APCDD1L: variants seen among roughly 807,000 people sequenced by gnomAD.
APCDD1L encodes the protein protein APCDD1-like.
APCDD1L carries 21 observed loss-of-function variants against 24.2 expected under a neutral mutation model. That is an observed-to-expected ratio of 0.87 (90% CI 0.61 to 1.25). The LOEUF (loss-of-function observed/expected upper bound fraction) is 1.25, where lower values mean the gene tolerates loss of function less well. Ranked by LOEUF, APCDD1L falls within the 50% of genes most tolerant of loss-of-function variation. APCDD1L has a pLI of 0.00. For missense variants in APCDD1L, 704 were observed against 711.7 expected, an observed-to-expected ratio of 0.99 and a Z score of 0.12; for synonymous variants, 321 against 323.6, an observed-to-expected ratio of 0.99 and a Z score of 0.09.
chr20:58,461,748 GGAGGTCA>G lies in APCDD1L; in HGVS notation c.742-201_742-195del, dbSNP rs1326615763. ...CTTCAGCCAGGATGGCCTCCTTGAT[GGAGGTCA>G]GCCCCTGTATCCCCCGGGCCTTGGG... is the stretch of plus-strand genomic sequence containing the variant. On this transcript the variant is annotated intron_variant, in intron 3 of 3. Coordinates refer to ENST00000371149, the MANE Select transcript of APCDD1L (RefSeq NM_153360.3). This position sits in a 1 kb window ranked among gnomAD's most constrained non-coding sequence, Gnocchi z 6.0. The G allele has an allele frequency of 1.0e-4, 51 of 489,996 alleles. No individual in the cohort carries two copies. The highest frequency in any genetic ancestry group is 9.3e-4 in the African/African-American group (47 of 50,686). 30.4% of individuals were successfully genotyped at this position (489,996 alleles called of 1,614,324 possible).
intron 1 of APCDD1L, among the ~76,000 whole-genome samples, chr20:58,509,338 C>T (rs568575895): frequency 1.3e-5 from 2 of 152,126 alleles, no homozygotes; most frequent in Admixed American, 6.5e-5. Context: ...AAACTGAAGA[C>T]GACACTATGA....
rs184928016 is a variant in APCDD1L, at chr20:58,506,344, G to A, written c.49+8315C>T. Among the ~76,000 whole-genome samples the A allele has an allele frequency of 1.1e-3, 166 of 152,296 alleles. 1 individual carries two copies. The highest frequency in any genetic ancestry group is 3.8e-3 in the African/African-American group (159 of 41,560). Reference sequence around the variant, plus strand: ...TCCTGATATCCCAGAAGGAGAAGGTGGCCTTGTAGCCACCCAGAAGAAGCA... The same window carrying A: ...TCCTGATATCCCAGAAGGAGAAGGTAGCCTTGTAGCCACCCAGAAGAAGCA... On this transcript the variant is annotated intron_variant, in intron 1 of 3. Coordinates refer to ENST00000371149, the MANE Select transcript of APCDD1L (RefSeq NM_153360.3).
intron 1 of APCDD1L, among the ~76,000 whole-genome samples, chr20:58,495,003 G>A (rs528375889): frequency 6.6e-6 from 1 of 152,234 alleles, no homozygotes; most frequent in Non-Finnish European, 1.5e-5. Context: ...GTGTCCCCTG[G>A]AGCCTGCTGC....
At chr20:58,476,589 A>T (rs1183355270) in intron 1 of APCDD1L, among the ~76,000 whole-genome samples, 2 of 152,174 alleles carry the variant, frequency 1.3e-5, no homozygotes, top group Non-Finnish European at 2.9e-5. Flanking sequence ...TCCTGGAGAG[A>T]CTGACATTAA....
Position 58,470,653 on chromosome 20 carries a change from A to T in APCDD1L, c.144T>A (p.Thr48=). Residue 48 remains threonine (T), a synonymous_variant, in exon 2 of 4, where the codon ACT becomes ACA. Transcript: ENST00000371149. ...QQPLPDRVPS[T]AILPPRLNGP... ...CATTAAGGCGTGGAGGCAGGATCGC[A>T]GTGCTGGGCACTCTATCTGGCAAGG... The T allele has an allele frequency of 6.3e-7, 1 of 1,576,554 alleles. No homozygotes were observed. The highest frequency in any genetic ancestry group is 8.6e-7 in the Non-Finnish European group (1 of 1,160,756).
intron 1 of APCDD1L, among the ~76,000 whole-genome samples, chr20:58,496,492 G>T (rs901336305): frequency 6.6e-6 from 1 of 152,272 alleles, no homozygotes; most frequent in African/African-American, 2.4e-5. Context: ...AGCCCAGCGA[G>T]GGGGCTGCCT....
chr20:58,466,174 A>G (rs971266329), intron 3 of APCDD1L, among the ~76,000 whole-genome samples: 1 of 149,838 alleles, frequency 6.7e-6, no homozygotes, highest in African/African-American at 2.5e-5. Context: ...ATCCTCCCCA[A>G]ATTAGGACGG....
intron 1 of APCDD1L, among the ~76,000 whole-genome samples, chr20:58,484,212 A>G (rs1267692511): frequency 2.0e-5 from 3 of 152,248 alleles, no homozygotes; most frequent in Non-Finnish European, 4.4e-5. Context: ...CTTTTATGCC[A>G]TACATAGGGC....
chr20:58,499,331 C>CT (rs145378386), intron 1 of APCDD1L, among the ~76,000 whole-genome samples: 2,051 of 152,264 alleles, frequency 0.013, 49 homozygotes, highest in African/African-American at 0.047. Flanking sequence ...TAAGACAGGG[C>CT]TTTGCCACAG....
intron 1 of APCDD1L, among the ~76,000 whole-genome samples, chr20:58,507,411 T>G (rs1318529119): frequency 6.6e-6 from 1 of 152,204 alleles, no homozygotes; most frequent in African/African-American, 2.4e-5. Flanking sequence ...AATGAAGTAA[T>G]GTGCTAGCAC....
chr20:58,497,375 C>T lies in APCDD1L; in HGVS notation c.49+17284G>A, dbSNP rs527316083. Among the ~76,000 whole-genome samples, 99 of 152,202 alleles carry T rather than the reference C, an allele frequency of 6.5e-4. 1 individual carries two copies. The highest frequency in any genetic ancestry group is 2.0e-3 in the African/African-American group (85 of 41,516). ...CCCACTAGGAGGCCCAGGGAACAGA[C>T]GCCTTGCATCGTGTCCACAGATGGG... On this transcript the variant is annotated intron_variant, in intron 1 of 3. Transcript: ENST00000371149. This position sits in a 1 kb window ranked among gnomAD's most constrained non-coding sequence, Gnocchi z 4.3.
Position 58,494,061 on chromosome 20 carries a change from A to G in APCDD1L, c.49+20598T>C, listed in dbSNP as rs956071330. Among the ~76,000 whole-genome samples the G allele has an allele frequency of 5.9e-5, 9 of 152,206 alleles. No homozygotes were observed. Among genetic ancestry groups the G allele is most frequent in the Non-Finnish European group, 1.2e-4 (8 of 68,030 alleles). On this transcript the variant is annotated intron_variant, in intron 1 of 3. Transcript: ENST00000371149. This position sits in a 1 kb window ranked among gnomAD's most constrained non-coding sequence, Gnocchi z 4.8. ...ATTGACAAAATCATAAGGAAGAGAA[A>G]ACATATTTAGGATTCATTAGCTGGA...
intron 1 of APCDD1L, among the ~76,000 whole-genome samples, chr20:58,493,859 C>A (rs1053375740): frequency 6.6e-6 from 1 of 152,192 alleles, no homozygotes; most frequent in East Asian, 1.9e-4. Flanking sequence ...TTAGGGGCAC[C>A]AGTGCCCCAC....
At position 58,467,076 on chromosome 20, in the gene APCDD1L, C is replaced by G; in HGVS notation, c.741+30G>C. 4 of 1,563,262 alleles carry G rather than the reference C, an allele frequency of 2.6e-6. No homozygotes were observed. The highest frequency in any genetic ancestry group is 1.7e-4 in the Middle Eastern group (1 of 5,912). Reference sequence around the variant, plus strand: ...CTCGCCTCCCCGAGACCACCACCCCCCTCTCCCACACCCCAACACACACAC... The same window carrying G: ...CTCGCCTCCCCGAGACCACCACCCCGCTCTCCCACACCCCAACACACACAC... On this transcript the variant is annotated intron_variant, in intron 3 of 3. Coordinates refer to ENST00000371149, the MANE Select transcript of APCDD1L (RefSeq NM_153360.3). This position sits in a 1 kb window ranked among gnomAD's most constrained non-coding sequence, Gnocchi z 5.9.
chr20:58,488,156 A>G (rs945070546), intron 1 of APCDD1L, among the ~76,000 whole-genome samples: 3 of 152,216 alleles, frequency 2.0e-5, no homozygotes, highest in African/African-American at 7.2e-5. Context: ...GAGTAGCGTG[A>G]TGAAATCTTG....
At chr20:58,512,811 G>A (rs1195560040) in intron 1 of APCDD1L, among the ~76,000 whole-genome samples, 3 of 152,224 alleles carry the variant, frequency 2.0e-5, no homozygotes, top group Admixed American at 2.0e-4. Context: ...AGTGCCCGGT[G>A]TAGAGCTGGG....
intron 1 of APCDD1L, among the ~76,000 whole-genome samples, chr20:58,509,862 T>C (rs1391077654): frequency 6.6e-6 from 1 of 152,214 alleles, no homozygotes; most frequent in Non-Finnish European, 1.5e-5. Flanking sequence ...CATCCTTCAG[T>C]GAACACTCCA....
rs1990560240 is a variant in APCDD1L at position 58,508,351 on chromosome 20, A to G, written c.49+6308T>C. 6.6e-6 allele frequency among the ~76,000 whole-genome samples: 1 copy of G among 152,218 alleles called. No homozygotes were observed. The highest frequency in any genetic ancestry group is 2.4e-5 in the African/African-American group (1 of 41,462). On this transcript the variant is annotated intron_variant, in intron 1 of 3. Coordinates refer to ENST00000371149, the MANE Select transcript of APCDD1L (RefSeq NM_153360.3). This position sits in a 1 kb window ranked among gnomAD's most constrained non-coding sequence, Gnocchi z 4.0. ...TGAAGTGTGTGGAGATGACTGTCACATGGGGATCAAGGAGCACAGGGAGGG... is the reference window on the plus strand; with the variant it reads ...TGAAGTGTGTGGAGATGACTGTCACGTGGGGATCAAGGAGCACAGGGAGGG...
intron 1 of APCDD1L, among the ~76,000 whole-genome samples, chr20:58,501,222 C>T (rs1294604253): frequency 2.0e-5 from 3 of 152,188 alleles, no homozygotes; most frequent in Non-Finnish European, 2.9e-5. Context: ...GTAAGAGCCT[C>T]TGTTGGTGGC....
Sources: allele counts gnomAD v4.1 joint callset (sites outside exome capture counted in the v4.1 genomes callset), GRCh38; gene constraint gnomAD v4.1.1; non-coding constraint Gnocchi (gnomAD v3.1); transcripts MANE v1.5; gene names NCBI Gene and HGNC (gene_info 2026-07-23, HGNC 2026-07-21).